EHBP1: variants seen among roughly 807,000 people sequenced by gnomAD.
The protein encoded by EHBP1 is EH domain binding protein 1.
In EHBP1, 55 loss-of-function variants were observed where a neutral mutation model predicts 144.0. The observed-to-expected ratio is 0.38, with a 90% confidence interval of 0.31 to 0.48. EHBP1 has a LOEUF of 0.48. Among genes scored for constraint, EHBP1 ranks in the 20% least tolerant of loss-of-function variants. EHBP1 has a pLI of 0.98. For missense variants in EHBP1, 1,200 were observed against 1,364.2 expected (o/e 0.88, Z 1.90); for synonymous variants, 469 against 472.7 (o/e 0.99, Z 0.10).
At chr2:63,037,513 G>GGT (rs750523267) in intron 19 of EHBP1, 22 bp from the exon 20 acceptor site, 116 of 1,539,090 alleles carry the variant, frequency 7.5e-5, no homozygotes, top group Non-Finnish European at 1.0e-4. Context: ...TATAGTAAAA[G>GGT]GTAACTCTTC....
rs1325406929 is a variant in EHBP1 at position 62,874,332 on chromosome 2, C to A, written c.999-14C>A. 1 of 1,522,002 alleles carries A rather than the reference C, an allele frequency of 6.6e-7. No individual in the cohort carries two copies. The highest frequency in any genetic ancestry group is 8.9e-7 in the Non-Finnish European group (1 of 1,126,312). 94.3% of individuals were successfully genotyped at this position (1,522,002 alleles called of 1,614,324 possible). The stretch of plus-strand genomic sequence containing the variant: ...TTTTGAGAGACATCTAACAATAATT[C>A]TTCTTTCACTTAGATCAAATCCTTT... On this transcript the variant is annotated splice_polypyrimidine_tract_variant and intron_variant, in intron 9 of 22. Coordinates refer to ENST00000431489, the MANE Select transcript of EHBP1 (RefSeq NM_001142616.3).
chr2:62,859,074 T>C, intron 7 of EHBP1, 95 bp from the exon 8 acceptor site: 5 of 1,209,872 alleles, frequency 4.1e-6, no homozygotes, highest in Non-Finnish European at 5.8e-6. Flanking sequence ...TTGCAGGTAT[T>C]ATTCGTGTGA....
intron 21 of EHBP1, chr2:63,043,815 G>C (rs1178053400): frequency 6.6e-6 from 1 of 151,126 alleles, no homozygotes; most frequent in Admixed American, 6.6e-5. Context: ...ATTGCCCAGG[G>C]CAATGGAGAG....
intron 2 of EHBP1, among the ~76,000 whole-genome samples, chr2:62,733,434 A>G (rs186697782): frequency 9.5e-4 from 144 of 152,236 alleles, no homozygotes; most frequent in African/African-American, 3.4e-3. Context: ...TGGGAGCCCT[A>G]CTGATATGGT....
At chr2:62,725,865 C>T (rs1336818714) in intron 2 of EHBP1, among the ~76,000 whole-genome samples, 3 of 152,064 alleles carry the variant, frequency 2.0e-5, no homozygotes, top group African/African-American at 7.2e-5. Flanking sequence ...TAGGCTGGTG[C>T]GTGGCTATGA....
intron 5 of EHBP1, among the ~76,000 whole-genome samples, chr2:62,822,609 T>C (rs188304942): frequency 6.6e-6 from 1 of 152,354 alleles, no homozygotes; most frequent in African/African-American, 2.4e-5. Context: ...AAGATTTGCA[T>C]GTATTCAACT....
rs921429697 is a variant in EHBP1 at position 63,045,774 on chromosome 2, G to A, written c.*274G>A. On this transcript the variant is annotated 3_prime_UTR_variant, in exon 23 of 23. Transcript: ENST00000431489. This position sits in a 1 kb window ranked among gnomAD's most constrained non-coding sequence, Gnocchi z 5.7. The stretch of plus-strand genomic sequence containing the variant: ...TGCACAGACACCTTGTGAGTGATTG[G>A]TATTGGAGGTGTTCAAGAAACTGTT... 1.9e-5 allele frequency: 6 copies of A among 312,664 alleles called. No homozygotes were observed. The highest frequency in any genetic ancestry group is 4.7e-5 in the Admixed American group (1 of 21,454). The allele number at this position is 312,664 out of a possible 1,614,324, so 19.4% of individuals were successfully genotyped here.
At chr2:62,998,552 AG>A (rs1019694459) in intron 19 of EHBP1, among the ~76,000 whole-genome samples, 1 of 152,134 alleles carries the variant, frequency 6.6e-6, no homozygotes, top group Non-Finnish European at 1.5e-5. Flanking sequence ...CTAGTGAAAA[AG>A]CTATAAATCC....
At position 62,759,773 on chromosome 2, in the gene EHBP1, A is replaced by G. The variant is rs553816035; in HGVS notation, c.163-4493A>G. 3.9e-5 allele frequency among the ~76,000 whole-genome samples: 6 copies of G among 152,344 alleles called. No individual in the cohort carries two copies. The East Asian group carries it at 7.7e-4, about 20-fold the overall frequency. ...AGTGTCTCTGTGGGTTAGTACAATT[A>G]GATATTTATTACCATAACTCTTTCT... On this transcript the variant is annotated intron_variant, in intron 3 of 22. Coordinates refer to ENST00000431489, the MANE Select transcript of EHBP1 (RefSeq NM_001142616.3).
intron 3 of EHBP1, among the ~76,000 whole-genome samples, chr2:62,758,828 G>A (rs954035806): frequency 6.6e-6 from 1 of 152,158 alleles, no homozygotes; most frequent in African/African-American, 2.4e-5. Context: ...TAGCTGCAGA[G>A]CTTTGCCTAA....
chr2:62,930,262 C>CA (rs1312755483), intron 10 of EHBP1, among the ~76,000 whole-genome samples: 3 of 151,636 alleles, frequency 2.0e-5, no homozygotes, highest in South Asian at 2.1e-4. Flanking sequence ...CAAAACAAAA[C>CA]AAAAAAACAA....
At chr2:62,677,042 A>G (rs1374274517) in intron 1 of EHBP1, among the ~76,000 whole-genome samples, 1 of 152,184 alleles carries the variant, frequency 6.6e-6, no homozygotes, top group East Asian at 1.9e-4. Context: ...ACATTCTCGC[A>G]GTCCCAGATA....
chr2:62,683,583 C>T (rs1028536106), intron 1 of EHBP1, among the ~76,000 whole-genome samples: 1 of 135,282 alleles, frequency 7.4e-6, no homozygotes, highest in South Asian at 2.4e-4. Context: ...GGTGTGAATC[C>T]GGGAGACGGA....
chr2:62,702,298 C>T (rs369708397), upstream of EHBP1, among the ~76,000 whole-genome samples: 40 of 152,246 alleles, frequency 2.6e-4, 1 homozygote, highest in South Asian at 8.1e-3. Flanking sequence ...TTAAGTAAAA[C>T]ATTTTGCAGT....
At chr2:62,693,724 C>A (rs1359735729) in intron 1 of EHBP1, among the ~76,000 whole-genome samples, 3 of 152,150 alleles carry the variant, frequency 2.0e-5, no homozygotes, top group African/African-American at 7.2e-5. Flanking sequence ...CATATTCCTT[C>A]TAGTGAATTT....
chr2:63,004,354 T>C (rs1353811266), intron 19 of EHBP1, among the ~76,000 whole-genome samples: 1 of 152,042 alleles, frequency 6.6e-6, no homozygotes, highest in Non-Finnish European at 1.5e-5. Context: ...TTTAACTACA[T>C]CTTAAGAAAA....
intron 10 of EHBP1, among the ~76,000 whole-genome samples, chr2:62,934,721 A>G (rs2056247587): frequency 6.6e-6 from 1 of 152,202 alleles, no homozygotes; most frequent in South Asian, 2.1e-4. Flanking sequence ...CGTGAATCAC[A>G]CTAAGCATAG....
At chr2:62,792,263 A>C (rs1242378300) in intron 5 of EHBP1, among the ~76,000 whole-genome samples, 5 of 152,064 alleles carry the variant, frequency 3.3e-5, no homozygotes, top group Non-Finnish European at 7.4e-5. Flanking sequence ...TGATGGTACT[A>C]TAACATGAGA....
intron 21 of EHBP1, chr2:63,044,442 G>C (rs527963907): frequency 6.6e-6 from 1 of 152,148 alleles, no homozygotes; most frequent in South Asian, 2.1e-4. Flanking sequence ...ATCGAGAGCT[G>C]CAGTGTAATA....
Sources: gnomAD v4.1 joint callset for allele counts (sites outside exome capture counted in the v4.1 genomes callset) on GRCh38, gnomAD v4.1.1 for gene constraint, Gnocchi (gnomAD v3.1) non-coding constraint, MANE v1.5 for transcripts, NCBI Gene and HGNC (gene_info 2026-07-23, HGNC 2026-07-21) for gene names.